Variants in SUPT3H observed in about 807,000 individuals in gnomAD.
The protein encoded by SUPT3H is transcription initiation protein SPT3 homolog.
In SUPT3H, 44 loss-of-function variants were observed where a neutral mutation model predicts 44.3. The ratio of observed to expected loss-of-function variants is 0.99; its 90% CI spans 0.78 to 1.28. The LOEUF is 1.28. SUPT3H is among the 50% of genes most tolerant of loss of function. SUPT3H has a pLI of 0.00. For synonymous variants in SUPT3H, 124 were observed against 125.6 expected (o/e 0.99, Z 0.09); for missense variants, 380 against 387.1 (o/e 0.98, Z 0.15).
chr6:44,961,357 T>C (rs1490606260), intron 7 of SUPT3H, among the ~76,000 whole-genome samples: 1 of 152,174 alleles, frequency 6.6e-6, no homozygotes, highest in African/African-American at 2.4e-5. Flanking sequence ...TAATTAATAT[T>C]AGGGTCCTTT....
intron 3 of SUPT3H, among the ~76,000 whole-genome samples, chr6:45,074,114 A>G (rs1794718939): frequency 6.6e-6 from 1 of 152,040 alleles, no homozygotes; most frequent in Admixed American, 6.6e-5. Flanking sequence ...TTTATGTCCA[A>G]AAATGTTGCT....
At chr6:45,017,447 T>A (rs936333244) in intron 4 of SUPT3H, among the ~76,000 whole-genome samples, 6 of 150,052 alleles carry the variant, frequency 4.0e-5, no homozygotes, top group African/African-American at 1.5e-4. Context: ...TGGTAATGCC[T>A]AGGTTTTCTT....
chr6:45,085,322 G>T (rs66604011), intron 3 of SUPT3H, among the ~76,000 whole-genome samples: 53,841 of 151,798 alleles, frequency 0.35, 10,356 homozygotes, highest in Non-Finnish European at 0.43. Context: ...ATACATTTTT[G>T]CTATTGCTGG....
chr6:45,078,724 G>A (rs1562412174), intron 3 of SUPT3H, among the ~76,000 whole-genome samples: 1 of 151,472 alleles, frequency 6.6e-6, no homozygotes, highest in South Asian at 2.1e-4. Flanking sequence ...TTGTTTGTTT[G>A]TTTTCCTTCC....
chr6:45,122,622 A>G (rs1801833696), intron 2 of SUPT3H, among the ~76,000 whole-genome samples: 1 of 152,160 alleles, frequency 6.6e-6, no homozygotes, highest in African/African-American at 2.4e-5. Context: ...ATCACCATAT[A>G]CACCATTAAA....
chr6:45,183,556 TGAACTCA>T (rs1284218800), intron 2 of SUPT3H, among the ~76,000 whole-genome samples: 1 of 152,174 alleles, frequency 6.6e-6, no homozygotes, highest in Non-Finnish European at 1.5e-5. Context: ...AGCTCTTGCG[TGAACTCA>T]GAGTAAGAAC....
At chr6:44,927,315 G>C (rs555849917) in intron 10 of SUPT3H, among the ~76,000 whole-genome samples, 2 of 152,162 alleles carry the variant, frequency 1.3e-5, no homozygotes, top group African/African-American at 4.8e-5. Context: ...TTATCTCTAG[G>C]ATGTAAGTTT....
At chr6:44,952,448 G>C (rs1028560528) in intron 9 of SUPT3H, among the ~76,000 whole-genome samples, 52 of 152,198 alleles carry the variant, frequency 3.4e-4, no homozygotes, top group Admixed American at 2.5e-3. Flanking sequence ...TTAACAAGGA[G>C]TAGAAATGTG....
At chr6:45,364,709 T>C (rs952623380) in intron 2 of SUPT3H, among the ~76,000 whole-genome samples, 1 of 152,232 alleles carries the variant, frequency 6.6e-6, no homozygotes, top group Non-Finnish European at 1.5e-5. Context: ...TCAAATGCTC[T>C]AAGTTTTTCC....
intron 6 of SUPT3H, among the ~76,000 whole-genome samples, chr6:44,973,475 T>C (rs759153499): frequency 6.6e-6 from 1 of 152,174 alleles, no homozygotes; most frequent in Non-Finnish European, 1.5e-5. Flanking sequence ...CTTTCCTACA[T>C]CTTCATGTCT....
At chr6:44,937,263 AG>A (rs1562085337) in intron 9 of SUPT3H, among the ~76,000 whole-genome samples, 4 of 151,976 alleles carry the variant, frequency 2.6e-5, no homozygotes, top group Admixed American at 2.6e-4. Flanking sequence ...AGGCCGAGGC[AG>A]GTGGATCACT....
chr6:44,821,956 TG>T (rs939049965), downstream of SUPT3H, among the ~76,000 whole-genome samples: 3 of 152,206 alleles, frequency 2.0e-5, no homozygotes, highest in African/African-American at 7.2e-5. Context: ...TGCTATCTAT[TG>T]TTTTTTAAAA....
chr6:45,343,398 A>C (rs1183871715), intron 2 of SUPT3H, among the ~76,000 whole-genome samples: 1 of 152,142 alleles, frequency 6.6e-6, no homozygotes, highest in Non-Finnish European at 1.5e-5. Context: ...AGTGAAGAGC[A>C]CCTGGTAGTT....
At chr6:44,902,025 A>C (rs373168670) in intron 10 of SUPT3H, among the ~76,000 whole-genome samples, 3 of 152,170 alleles carry the variant, frequency 2.0e-5, no homozygotes, top group Non-Finnish European at 2.9e-5. Flanking sequence ...TGAAGGAAGC[A>C]CTAAACATGG....
intron 2 of SUPT3H, among the ~76,000 whole-genome samples, chr6:45,130,531 A>T (rs979619267): frequency 6.6e-6 from 1 of 151,822 alleles, no homozygotes; most frequent in African/African-American, 2.4e-5. Flanking sequence ...CTAGCTCTGT[A>T]GCTGCTGGGA....
chr6:45,152,179 C>T (rs1331255551), intron 2 of SUPT3H, among the ~76,000 whole-genome samples: 1 of 152,112 alleles, frequency 6.6e-6, no homozygotes, highest in Non-Finnish European at 1.5e-5. Flanking sequence ...TCTTAATTTT[C>T]TTCTCCAAAA....
At chr6:44,868,771 A>ATTTGG (rs1775903761) in intron 10 of SUPT3H, among the ~76,000 whole-genome samples, 1 of 152,206 alleles carries the variant, frequency 6.6e-6, no homozygotes, top group African/African-American at 2.4e-5. Flanking sequence ...TTTGTCCCAA[A>ATTTGG]GACAAACATC....
rs868358270 is a variant in SUPT3H, at chr6:45,022,210, A to G, written c.187-1578T>C. On this transcript the variant is annotated intron_variant, in intron 3 of 10. Transcript: ENST00000371459. ...AATCTGAAAAACACTATACAGACACATGTAATTTTACTCACATTAAGAAGG... is the reference window on the plus strand; with the variant it reads ...AATCTGAAAAACACTATACAGACACGTGTAATTTTACTCACATTAAGAAGG... 1.2e-4 allele frequency among the ~76,000 whole-genome samples: 18 copies of G among 152,174 alleles called. No individual in the cohort carries two copies. The South Asian group carries it at 3.1e-3, about 26-fold the overall frequency.
chr6:44,982,740 A>G (rs1483642244), intron 6 of SUPT3H, among the ~76,000 whole-genome samples: 1 of 152,220 alleles, frequency 6.6e-6, no homozygotes. Flanking sequence ...GCCTTGTGAT[A>G]GTGATAATGA....
Sources: gnomAD v4.1 joint callset for allele counts (sites outside exome capture counted in the v4.1 genomes callset) on GRCh38, gnomAD v4.1.1 for gene constraint, MANE v1.5 for transcripts, NCBI Gene and HGNC (gene_info 2026-07-23, HGNC 2026-07-21) for gene names.